Variants in L3MBTL1 observed in about 807,000 individuals in gnomAD.
The protein encoded by L3MBTL1 is lethal(3)malignant brain tumor-like protein 1.
Under a neutral mutation model 105.3 loss-of-function variants are expected in L3MBTL1, and 75 were observed. The observed-to-expected ratio is 0.71, with a 90% CI of 0.59 to 0.86. The LOEUF (loss-of-function observed/expected upper bound fraction) is 0.86. Ranked by LOEUF, L3MBTL1 falls within the 40% of genes least tolerant of loss-of-function variation. The pLI is 0.00. For synonymous variants in L3MBTL1, 452 were observed against 436.2 expected (o/e 1.04, Z -0.45); for missense variants, 1,069 against 1,126.4 (o/e 0.95, Z 0.73).
intron 1 of L3MBTL1, among the ~76,000 whole-genome samples, chr20:43,509,152 T>C (rs955685590): frequency 6.6e-6 from 1 of 152,162 alleles, no homozygotes; most frequent in Non-Finnish European, 1.5e-5. Context: ...GTTCCCACTT[T>C]TTTCTTTATA....
At chr20:43,537,485 C>T (rs1174033100) in intron 19 of L3MBTL1, among the ~76,000 whole-genome samples, 1 of 138,802 alleles carries the variant, frequency 7.2e-6, no homozygotes, top group African/African-American at 2.7e-5. Context: ...ATCCTAATGA[C>T]TTCATTTTAA....
intron 7 of L3MBTL1, chr20:43,523,693 C>A (rs911211687): frequency 3.9e-5 from 6 of 154,818 alleles, no homozygotes; most frequent in African/African-American, 1.4e-4. Flanking sequence ...ATCTATAGGA[C>A]ATTTTTAAAT....
chr20:43,529,357 A>T lies in L3MBTL1; in HGVS notation c.1045A>T (p.Thr349Ser), dbSNP rs1441101113. The change falls in exon 9 of 22, where the codon ACC becomes TCC. Residue 349 changes from threonine to serine, a missense_variant. Thr to Ser is a moderately conservative substitution (Grantham distance 58, BLOSUM62 1). Transcript: ENST00000418998. ...PQHPSMYFIL[T>S]VAEVCGYRLR... ...ACACCCGTCCATGTACTTCATCCTC[A>T]CCGTGGCTGAGGTGAGCTGGGGCTT... 1 of 1,609,952 alleles carries T rather than the reference A, an allele frequency of 6.2e-7. No individual in the cohort carries two copies. Among genetic ancestry groups the T allele is most frequent in the South Asian group, 1.1e-5 (1 of 90,112 alleles).
intron 19 of L3MBTL1, among the ~76,000 whole-genome samples, chr20:43,537,348 G>A (rs76698302): frequency 6.6e-6 from 1 of 152,236 alleles, no homozygotes; most frequent in South Asian, 2.1e-4. Flanking sequence ...TCCTTGGCTT[G>A]CAGATGGCTG....
intron 19 of L3MBTL1, among the ~76,000 whole-genome samples, chr20:43,537,986 G>A (rs1460123594): frequency 1.3e-5 from 2 of 152,204 alleles, no homozygotes; most frequent in African/African-American, 4.8e-5. Context: ...TGTGGTGAGA[G>A]GCTTAACTGA....
chr20:43,543,202 G>C (rs947667291), downstream of L3MBTL1, among the ~76,000 whole-genome samples: 2 of 151,470 alleles, frequency 1.3e-5, no homozygotes, highest in East Asian at 3.9e-4. Flanking sequence ...TCTTGATTCT[G>C]TCATCTACGA....
chr20:43,522,890 C>A (rs73618897), intron 7 of L3MBTL1, among the ~76,000 whole-genome samples: 1 of 148,696 alleles, frequency 6.7e-6, no homozygotes, highest in Non-Finnish European at 1.5e-5. Flanking sequence ...ATCACTTGAG[C>A]TCAGGAGTTT....
rs542222275 is a variant in L3MBTL1 at position 43,529,575 on chromosome 20, G to C, written c.1056+207G>C. On this transcript the variant is annotated intron_variant, in intron 9 of 21. Transcript: ENST00000418998. ...TCCTATTATTGGATGAATGTATACT[G>C]TCCACTCTGGGGGAGCTTGAGGAGA... Among the ~76,000 whole-genome samples the C allele has an allele frequency of 2.0e-5, 3 of 152,324 alleles. No homozygotes were observed. The East Asian group carries it at 5.8e-4, about 29-fold the overall frequency.
At chr20:43,511,582 G>A (rs544747811) in intron 1 of L3MBTL1, among the ~76,000 whole-genome samples, 4 of 152,054 alleles carry the variant, frequency 2.6e-5, no homozygotes, top group African/African-American at 9.6e-5. Context: ...AGGAGTTCCA[G>A]TCCAGCCTGG....
At chr20:43,524,784 A>G (rs1286469437) in intron 7 of L3MBTL1, among the ~76,000 whole-genome samples, 2 of 152,214 alleles carry the variant, frequency 1.3e-5, no homozygotes, top group South Asian at 2.1e-4. Flanking sequence ...GTATCAACCT[A>G]TGCAAAGGCA....
chr20:43,515,315 C>G lies in L3MBTL1; in HGVS notation c.677C>G (p.Ser226Ter). The G allele has an allele frequency of 1.3e-6, 2 of 1,597,072 alleles. No individual in the cohort carries two copies. The highest frequency in any genetic ancestry group is 8.5e-7 in the Non-Finnish European group (1 of 1,170,872). The change falls in exon 6 of 22, where the codon TCA (serine) becomes TGA (stop). Residue 226 changes from serine (S) to a stop codon, truncating the protein, a stop_gained. Transcript: ENST00000418998. LOFTEE classifies it high-confidence loss of function. ...AGGTCAGTCATAGTGGAGAACTCCT[C>G]AGGCTCTACCAGCGCTTCTGAGCTC... is the stretch of plus-strand genomic sequence containing the variant. Reference protein sequence around the residue: ...QERSVIVENSSGSTSASELLK... With the variant: ...QERSVIVENS
intron 19 of L3MBTL1, among the ~76,000 whole-genome samples, chr20:43,538,443 GC>G (rs2019742926): frequency 6.6e-6 from 1 of 152,154 alleles, no homozygotes; most frequent in Non-Finnish European, 1.5e-5. Flanking sequence ...CTTCCACAGG[GC>G]ACCCCTGCTC....
chr20:43,544,762 C>G (rs6065619), downstream of L3MBTL1, among the ~76,000 whole-genome samples: 26,795 of 151,978 alleles, frequency 0.18, 2,530 homozygotes, highest in Middle Eastern at 0.24. Flanking sequence ...GTCAGGAGTT[C>G]GAGACCAGCC....
Position 43,548,119 on chromosome 20 carries a change from C to T in L3MBTL1, c.2133C>T (p.Asp711=), listed in dbSNP as rs539618088. 28 of 1,303,760 alleles carry T rather than the reference C, an allele frequency of 2.1e-5. No individual in the cohort carries two copies. The East Asian group carries it at 5.0e-4, about 23-fold the overall frequency. The allele number at this position is 1,303,760 out of a possible 1,614,324, so 80.8% of individuals were successfully genotyped here. A position where few individuals can be genotyped will look rare whatever the true frequency, so the allele number is the denominator to read the frequency against. ...CTCCCGCAACCCCTCAGATGATTGA[C>T]GGCGAGGCCTTCCTTTTGCTGACAC... is the stretch of plus-strand genomic sequence containing the variant. The change falls in exon 19 of 19, where the codon GAC becomes GAT. Residue 711 remains aspartate, a synonymous_variant. Transcript: ENST00000422861.
rs555926938 is a variant in L3MBTL1 at position 43,530,419 on chromosome 20, G to A, written c.1192G>A (p.Gly398Ser). 2 of 1,613,950 alleles carry A rather than the reference G, an allele frequency of 1.2e-6. No individual in the cohort carries two copies. The highest frequency in any genetic ancestry group is 1.7e-5 in the Admixed American group (1 of 59,984). ...KTGHKLQPPK[G>S]YKEEEFSWSQ... ...GGGCCACAAGCTGCAGCCTCCCAAA[G>A]GTAAGGCCTAGCTGGGTTGGTCACA... Residue 398 changes from glycine to serine, a missense_variant and splice_region_variant, in exon 10 of 22, where the codon GGT becomes AGT. Transcript: ENST00000418998.
At chr20:43,543,350 C>T (rs982780956), downstream of L3MBTL1, among the ~76,000 whole-genome samples, 1 of 152,198 alleles carries the variant, frequency 6.6e-6, no homozygotes, top group Non-Finnish European at 1.5e-5. Flanking sequence ...TGTCGGTTGA[C>T]CACAGGTCTT....
At chr20:43,529,151 C>T (rs2019192217) in intron 8 of L3MBTL1, 113 bp from the exon 9 acceptor site, 1 of 713,412 alleles carries the variant, frequency 1.4e-6, no homozygotes, top group Admixed American at 2.3e-5. Flanking sequence ...ATAAGTTGCC[C>T]CTTTGGAAAT....
At chr20:43,514,532 G>C in intron 3 of L3MBTL1, 103 bp from the exon 4 acceptor site, 1 of 1,574,986 alleles carries the variant, frequency 6.3e-7, no homozygotes, top group Non-Finnish European at 8.6e-7. Flanking sequence ...GCCTGCTGAG[G>C]GCGTGAGCTG....
Position 43,536,476 on chromosome 20 carries a change from G to A in L3MBTL1, c.2173+18G>A. Reference sequence around the variant, plus strand: ...TTTCCAGAGTAAGTCTGGGTTATCTGCTCCTATGTCCTCCACCACAGAGTG... The same window carrying A: ...TTTCCAGAGTAAGTCTGGGTTATCTACTCCTATGTCCTCCACCACAGAGTG... On this transcript the variant is annotated intron_variant, in intron 19 of 21. Transcript: ENST00000418998. 1.2e-6 allele frequency: 2 copies of A among 1,613,440 alleles called. No homozygotes were observed. Among genetic ancestry groups the A allele is most frequent in the Non-Finnish European group, 1.7e-6 (2 of 1,179,692 alleles).
Sources: allele counts gnomAD v4.1 joint callset (sites outside exome capture counted in the v4.1 genomes callset), GRCh38; gene constraint gnomAD v4.1.1; transcripts MANE v1.5; gene names NCBI Gene and HGNC (gene_info 2026-07-23, HGNC 2026-07-21).